IQCH: variants seen among roughly 807,000 people sequenced by gnomAD.
The protein encoded by IQCH is IQ domain-containing protein H.
Under a neutral mutation model 117.0 loss-of-function variants are expected in IQCH, and 98 were observed. The observed-to-expected ratio is 0.84, with a 90% CI of 0.71 to 0.99. The LOEUF (loss-of-function observed/expected upper bound fraction) is 0.99, where lower values mean the gene tolerates loss of function less well. IQCH is among the 50% of genes least tolerant of loss of function. IQCH has a pLI of 0.00. For missense variants in IQCH, 1,102 were observed against 1,243.8 expected (o/e 0.89, Z 1.72); for synonymous variants, 412 against 448.2 (o/e 0.92, Z 1.02).
chr15:67,320,497 C>T (rs929451256), intron 4 of IQCH, among the ~76,000 whole-genome samples: 3 of 96,248 alleles, frequency 3.1e-5, no homozygotes, highest in African/African-American at 8.7e-5. Context: ...CTAGTAATTA[C>T]TTTTCCAGAT....
At chr15:67,287,282 G>A (rs1446156131) in intron 4 of IQCH, among the ~76,000 whole-genome samples, 3 of 152,142 alleles carry the variant, frequency 2.0e-5, no homozygotes, top group South Asian at 2.1e-4. Flanking sequence ...TACTGGCCTT[G>A]TAGAATGAGT....
At position 67,435,748 on chromosome 15, in the gene IQCH, C is replaced by T. The variant is rs28708789; in HGVS notation, c.2505+14171C>T. The stretch of plus-strand genomic sequence containing the variant: ...ATTAGCCAGGCATAGTGGTGCACGC[C>T]TGTAATCCCAGCTACTTGGAGGCTG... On this transcript the variant is annotated intron_variant, in intron 16 of 20. Transcript: ENST00000335894. 4.7e-3 allele frequency among the ~76,000 whole-genome samples: 718 copies of T among 151,800 alleles called. 4 individuals carry two copies. The highest frequency in any genetic ancestry group is 0.017 in the African/African-American group (688 of 41,348).
At chr15:67,389,875 A>C (rs1971229469) in intron 12 of IQCH, among the ~76,000 whole-genome samples, 1 of 145,918 alleles carries the variant, frequency 6.9e-6, no homozygotes, top group African/African-American at 2.5e-5. Flanking sequence ...GATTTGACCA[A>C]AAAAAAAAAA....
rs1345228878 is a variant in IQCH at position 67,432,938 on chromosome 15, G to A, written c.2505+11361G>A. On this transcript the variant is annotated intron_variant, in intron 16 of 20. Coordinates refer to ENST00000335894, the MANE Select transcript of IQCH (RefSeq NM_001031715.3). This position sits in a 1 kb window ranked among gnomAD's most constrained non-coding sequence, Gnocchi z 5.0. Reference sequence around the variant, plus strand: ...CTATCTCTGTTTTCAAGATATACAAGGTATTCACCAAGGAAGCTCAATGAG... The same window carrying A: ...CTATCTCTGTTTTCAAGATATACAAAGTATTCACCAAGGAAGCTCAATGAG... Among the ~76,000 whole-genome samples, 2 of 152,044 alleles carry A rather than the reference G, an allele frequency of 1.3e-5. No individual in the cohort carries two copies. Among genetic ancestry groups the A allele is most frequent in the Admixed American group, 6.5e-5 (1 of 15,268 alleles).
At chr15:67,269,623 C>T (rs189834808) in intron 3 of IQCH, among the ~76,000 whole-genome samples, 23 of 152,168 alleles carry the variant, frequency 1.5e-4, no homozygotes, top group Admixed American at 1.4e-3. Flanking sequence ...TAATCAACCT[C>T]TCTTCAACCA....
intron 16 of IQCH, among the ~76,000 whole-genome samples, chr15:67,451,983 CTTCT>C (rs1486161370): frequency 3.3e-5 from 5 of 152,234 alleles, no homozygotes; most frequent in Admixed American, 6.5e-5. Flanking sequence ...ATGTAATGGC[CTTCT>C]TTGTCTCTTT....
intron 10 of IQCH, chr15:67,374,096 G>C (rs1970657430): frequency 6.6e-6 from 1 of 152,238 alleles, no homozygotes; most frequent in South Asian, 2.1e-4. Context: ...GGTAAAAAAG[G>C]TATGCCAAAA....
chr15:67,335,407 T>A (rs1374684412), intron 4 of IQCH, among the ~76,000 whole-genome samples: 1 of 152,184 alleles, frequency 6.6e-6, no homozygotes, highest in African/African-American at 2.4e-5. Flanking sequence ...GCTTGACAGT[T>A]TTATTTAAGT....
intron 8 of IQCH, among the ~76,000 whole-genome samples, chr15:67,362,039 C>G (rs936622173): frequency 3.3e-5 from 5 of 151,928 alleles, no homozygotes; most frequent in African/African-American, 1.2e-4. Context: ...TACAGACCAA[C>G]TTCATGAGTG....
At chr15:67,398,690 A>G (rs1278445897) in intron 13 of IQCH, among the ~76,000 whole-genome samples, 3 of 152,192 alleles carry the variant, frequency 2.0e-5, no homozygotes, top group Non-Finnish European at 2.9e-5. Flanking sequence ...CCAAACCTCA[A>G]CAGAACTGTA....
In IQCH at chr15:67,453,643, G is replaced by A. The variant is rs964896444; in HGVS notation, c.2506-11484G>A. ...GGTGTCAGTCCGCCCCTACTGGGGG[G>A]TGCCTCCCAGTTAGGCTACTCAGGG... On this transcript the variant is annotated intron_variant, in intron 16 of 20. Coordinates refer to ENST00000335894, the MANE Select transcript of IQCH (RefSeq NM_001031715.3). This position sits in a 1 kb window ranked among gnomAD's most constrained non-coding sequence, Gnocchi z 5.8. Among the ~76,000 whole-genome samples the A allele has an allele frequency of 3.3e-5, 5 of 152,184 alleles. No homozygotes were observed.
intron 6 of IQCH, among the ~76,000 whole-genome samples, chr15:67,355,230 T>A (rs12708494): frequency 0.3 from 45,108 of 151,678 alleles, 6,916 homozygotes; most frequent in African/African-American, 0.38. Context: ...CTTAAAAAAA[T>A]TTTTTTTCTA....
rs988133209 is a variant in IQCH, at chr15:67,406,989, A to G, written c.2097+6684A>G. 1 of 152,224 alleles carries G rather than the reference A, an allele frequency of 6.6e-6. No homozygotes were observed. The highest frequency in any genetic ancestry group is 1.5e-5 in the Non-Finnish European group (1 of 68,034). 9.4% of individuals were successfully genotyped at this position (152,224 alleles called of 1,614,324 possible). The stretch of plus-strand genomic sequence containing the variant: ...ACATTGAACAAGTACATACAACTTA[A>G]TCTTTCTTTGGTGATTCAGAAGGTT... On this transcript the variant is annotated intron_variant, in intron 14 of 20. Transcript: ENST00000335894. The surrounding 1 kb of genome is among the most constrained non-coding windows in gnomAD (Gnocchi z 4.5).
chr15:67,262,927 T>C (rs2140434458), intron 2 of IQCH, among the ~76,000 whole-genome samples, 195 bp from the exon 3 acceptor site: 1 of 151,996 alleles, frequency 6.6e-6, no homozygotes, highest in Admixed American at 6.5e-5. Context: ...AAGCTTTGAG[T>C]CTCAGTTTAT....
chr15:67,280,574 G>C (rs1205767267), intron 4 of IQCH, among the ~76,000 whole-genome samples: 5 of 152,088 alleles, frequency 3.3e-5, no homozygotes, highest in Non-Finnish European at 5.9e-5. Context: ...CTTTTTATAA[G>C]GACATTGATC....
intron 16 of IQCH, among the ~76,000 whole-genome samples, chr15:67,451,977 A>G (rs1262225252): frequency 6.6e-6 from 1 of 152,136 alleles, no homozygotes; most frequent in African/African-American, 2.4e-5. Context: ...ACCATTATGT[A>G]ATGGCCTTCT....
rs1238476029 is a variant in IQCH at position 67,364,690 on chromosome 15, AT to A, written c.753+4812del. Among the ~76,000 whole-genome samples the A allele has an allele frequency of 3.9e-5, 6 of 152,188 alleles. No homozygotes were observed. Among genetic ancestry groups the A allele is most frequent in the Admixed American group, 6.5e-5 (1 of 15,294 alleles). On this transcript the variant is annotated intron_variant, in intron 8 of 20. Coordinates refer to ENST00000335894, the MANE Select transcript of IQCH (RefSeq NM_001031715.3). This position sits in a 1 kb window ranked among gnomAD's most constrained non-coding sequence, Gnocchi z 4.1. ...GAAAAGAGAAAAAAAGTATAGAAGG[AT>A]TTTTTTCCCCATATCACAATCCTTT...
rs1454370591 is a variant in IQCH at position 67,453,019 on chromosome 15, G to A, written c.2506-12108G>A. Among the ~76,000 whole-genome samples, 1 of 152,072 alleles carries A rather than the reference G, an allele frequency of 6.6e-6. No individual in the cohort carries two copies. Among genetic ancestry groups the A allele is most frequent in the Non-Finnish European group, 1.5e-5 (1 of 68,022 alleles). On this transcript the variant is annotated intron_variant, in intron 16 of 20. Coordinates refer to ENST00000335894, the MANE Select transcript of IQCH (RefSeq NM_001031715.3). This position sits in a 1 kb window ranked among gnomAD's most constrained non-coding sequence, Gnocchi z 5.8. The stretch of plus-strand genomic sequence containing the variant: ...CCCTTTCTTCCAGTTGATCACGTCG[G>A]CTAATAAGGCTTCTGCATTCGTCAC...
intron 14 of IQCH, among the ~76,000 whole-genome samples, chr15:67,412,840 C>A (rs891080824): frequency 6.6e-6 from 1 of 152,204 alleles, no homozygotes; most frequent in African/African-American, 2.4e-5. Context: ...CTGTTATTTT[C>A]TGTCTTTCAT....
Sources: gnomAD v4.1 joint callset for allele counts (sites outside exome capture counted in the v4.1 genomes callset) on GRCh38, gnomAD v4.1.1 for gene constraint, Gnocchi (gnomAD v3.1) non-coding constraint, MANE v1.5 for transcripts, NCBI Gene and HGNC (gene_info 2026-07-23, HGNC 2026-07-21) for gene names.